The following ALKBH6 variants were observed in gnomAD, a reference collection of about 807,000 sequenced individuals.
ALKBH6 encodes the protein probable RNA/DNA demethylase ALKBH6.
ALKBH6 carries 20 observed loss-of-function variants against 25.1 expected under a neutral mutation model. The ratio of observed to expected loss-of-function variants is 0.80; its 90% confidence interval spans 0.56 to 1.16. The LOEUF is 1.16. ALKBH6 is among the 50% of genes most tolerant of loss of function. The pLI is 0.00. For synonymous variants in ALKBH6, 156 were observed against 147.5 expected (o/e 1.06, Z -0.42); for missense variants, 263 against 326.5 (o/e 0.81, Z 1.50).
chr19:36,013,948 C>T lies in ALKBH6; in HGVS notation c.-26+227G>A. ...CGGATCCCCCCATTTGGACGCCCCT[C>T]GGATTTCCCCTCCTGAGCGCCCCTT... is the stretch of plus-strand genomic sequence containing the variant. On this transcript the variant is annotated intron_variant, in intron 1 of 6. Coordinates refer to ENST00000378875, the MANE Select transcript of ALKBH6 (RefSeq NM_032878.5). This position sits in a 1 kb window ranked among gnomAD's most constrained non-coding sequence, Gnocchi z 4.6. 1 of 1,376,710 alleles carries T rather than the reference C, an allele frequency of 7.3e-7. No homozygotes were observed. The highest frequency in any genetic ancestry group is 1.7e-5 in the South Asian group (1 of 58,844). 85.3% of individuals were successfully genotyped at this position (1,376,710 alleles called of 1,614,324 possible).
chr19:36,011,742 C>T, intron 3 of ALKBH6: 2 of 363,206 alleles, frequency 5.5e-6, no homozygotes, highest in Non-Finnish European at 1.0e-5. Flanking sequence ...ACTCAGAGTT[C>T]TGGGGCTGGA....
rs970573818 is a variant in ALKBH6 at position 36,009,316 on chromosome 19, G to A, written c.691C>T (p.Arg231Cys). The change falls in exon 7 of 7, where the codon CGC (arginine) becomes TGC (cysteine). Residue 231 changes from arginine (R) to cysteine (C), a missense_variant. By Grantham distance (180) the Arg-to-Cys change is radical. Coordinates refer to ENST00000378875, the MANE Select transcript of ALKBH6 (RefSeq NM_032878.5). ...LTIRRVPRVL[R>C]AGLLLGK ...CACTTGCCCAGCAGGAGGCCGGCGC[G>A]CAGCACGCGGGGCACGCGGCGGATG... 7.4e-7 allele frequency: 1 copy of A among 1,359,958 alleles called. No individual in the cohort carries two copies. Among genetic ancestry groups the A allele is most frequent in the South Asian group, 1.7e-5 (1 of 58,412 alleles). The allele number at this position is 1,359,958 out of a possible 1,614,324, so 84.2% of individuals were successfully genotyped here. A position where few individuals can be genotyped will look rare whatever the true frequency, so the allele number is the denominator to read the frequency against.
In ALKBH6 at chr19:36,009,269, G is replaced by A. The variant is rs2145365028; in HGVS notation, c.*21C>T. On this transcript the variant is annotated 3_prime_UTR_variant, in exon 7 of 7. Coordinates refer to ENST00000378875, the MANE Select transcript of ALKBH6 (RefSeq NM_032878.5). ...CAAAGGGGCAGGAACCTGGGAATCC[G>A]AGGGGTCCCGGCCCTGGCGGTCACT... 2 of 1,313,132 alleles carry A rather than the reference G, an allele frequency of 1.5e-6. No individual in the cohort carries two copies. Among genetic ancestry groups the A allele is most frequent in the Non-Finnish European group, 1.9e-6 (2 of 1,032,146 alleles). The allele number at this position is 1,313,132 out of a possible 1,614,324, so 81.3% of individuals were successfully genotyped here. A position where few individuals can be genotyped will look rare whatever the true frequency, so the allele number is the denominator to read the frequency against.
In ALKBH6 at chr19:36,012,202, G is replaced by A. The variant is rs1405008551; in HGVS notation, c.124-738C>T. The A allele has an allele frequency of 2.0e-5, 3 of 152,380 alleles. No individual in the cohort carries two copies. In the East Asian group the frequency reaches 5.8e-4, roughly 29 times the overall value. The allele number at this position is 152,380 out of a possible 1,614,324, so 9.4% of individuals were successfully genotyped here. ...ATTCCTGATTCCTGGGCTCTCTGAG[G>A]ACAGTTTGAGTTCTGCAACCGACTT... On this transcript the variant is annotated intron_variant, in intron 3 of 6. Transcript: ENST00000378875.
In ALKBH6 at chr19:36,013,549, A is replaced by C; in HGVS notation, c.-25-127T>G. 6.8e-7 allele frequency: 1 copy of C among 1,475,506 alleles called. No individual in the cohort carries two copies. The highest frequency in any genetic ancestry group is 9.0e-7 in the Non-Finnish European group (1 of 1,116,156). The allele number at this position is 1,475,506 out of a possible 1,614,324, so 91.4% of individuals were successfully genotyped here. Reference sequence around the variant, plus strand: ...TTCTGAAACGCACTTGGTCTCTAAAATCTGAGTCTTCAGCATCTTACAAGC... The same window carrying C: ...TTCTGAAACGCACTTGGTCTCTAAACTCTGAGTCTTCAGCATCTTACAAGC... On this transcript the variant is annotated intron_variant, in intron 1 of 6. Coordinates refer to ENST00000378875, the MANE Select transcript of ALKBH6 (RefSeq NM_032878.5). This position sits in a 1 kb window ranked among gnomAD's most constrained non-coding sequence, Gnocchi z 4.6.
In ALKBH6 at chr19:36,011,036, G is replaced by A. The variant is rs1968595579; in HGVS notation, c.194C>T (p.Pro65Leu). The A allele has an allele frequency of 1.2e-6, 2 of 1,607,250 alleles. No homozygotes were observed. Among genetic ancestry groups the A allele is most frequent in the East Asian group, 2.2e-5 (1 of 44,552 alleles). The change falls in exon 5 of 7, where the codon CCT becomes CTT. Residue 65 changes from proline to leucine, a missense_variant. This residue lies in a region of ALKBH6 where 112 missense variants were observed against 153.0 expected (regional missense o/e 0.73). Coordinates refer to ENST00000378875, the MANE Select transcript of ALKBH6 (RefSeq NM_032878.5). ...GRKLQNWGGL[P>L]HPRGMVPERL... Reference sequence around the variant, plus strand: ...CTCAGGAACCATCCCTCGGGGATGAGGAAGCCCACCTGGGGAAGGCAATGG... The same window carrying A: ...CTCAGGAACCATCCCTCGGGGATGAAGAAGCCCACCTGGGGAAGGCAATGG...
intron 3 of ALKBH6, chr19:36,012,335 G>A (rs755699884): frequency 1.3e-5 from 2 of 152,308 alleles, no homozygotes; most frequent in Non-Finnish European, 2.9e-5. Context: ...TCTAGAATGG[G>A]CTATCTCAGT....
In ALKBH6 at chr19:36,013,385, C is replaced by T; in HGVS notation, c.13G>A (p.Asp5Asn). ...GGTTCCAGGGCTGGGACTCTGGCGT[C>T]CTGCTCCTCCATCAACACCAACTCC... is the stretch of plus-strand genomic sequence containing the variant. MEEQ[D>N]ARVPALEPFR... is the part of the protein sequence containing the mutation. The change falls in exon 2 of 7, where the codon GAC becomes AAC. Residue 5 changes from aspartate (D) to asparagine (N), a missense_variant. Physicochemically the swap from Asp to Asn is conservative, Grantham distance 23. This residue lies in a region of ALKBH6 where 112 missense variants were observed against 153.0 expected (regional missense o/e 0.73). Transcript: ENST00000378875. This position sits in a 1 kb window ranked among gnomAD's most constrained non-coding sequence, Gnocchi z 4.6. 1 of 1,613,992 alleles carries T rather than the reference C, an allele frequency of 6.2e-7. No individual in the cohort carries two copies. The highest frequency in any genetic ancestry group is 2.2e-5 in the East Asian group (1 of 44,880).
intron 4 of ALKBH6, 100 bp from the exon 5 acceptor site, chr19:36,011,145 C>G (rs1968600776): frequency 6.7e-7 from 1 of 1,482,378 alleles, no homozygotes; most frequent in Non-Finnish European, 9.1e-7. Flanking sequence ...CTCAGGGACC[C>G]CTGACCGTTT....
intron 3 of ALKBH6, chr19:36,011,814 G>T (rs780526206): frequency 1.1e-5 from 2 of 190,140 alleles, no homozygotes; most frequent in Admixed American, 1.1e-4. Flanking sequence ...TGCCAAACCT[G>T]GTTGCTCATG....
At position 36,013,210 on chromosome 19, in the gene ALKBH6, A is replaced by C; in HGVS notation, c.55-121T>G. The C allele has an allele frequency of 6.9e-7, 1 of 1,451,884 alleles. No homozygotes were observed. The highest frequency in any genetic ancestry group is 9.6e-7 in the Non-Finnish European group (1 of 1,039,444). The allele number at this position is 1,451,884 out of a possible 1,614,324, so 89.9% of individuals were successfully genotyped here. ...ATGTCCTCAGACAGGTCAGGGTCTAAAGTCAAGGGACCAGTGCCATTCCAG... is the reference window on the plus strand; with the variant it reads ...ATGTCCTCAGACAGGTCAGGGTCTACAGTCAAGGGACCAGTGCCATTCCAG... On this transcript the variant is annotated intron_variant, in intron 2 of 6. Coordinates refer to ENST00000378875, the MANE Select transcript of ALKBH6 (RefSeq NM_032878.5). The surrounding 1 kb of genome is among the most constrained non-coding windows in gnomAD (Gnocchi z 4.6).
At position 36,013,976 on chromosome 19, in the gene ALKBH6, C is replaced by G. The variant is rs890069430; in HGVS notation, c.-26+199G>C. 1.5e-5 allele frequency: 21 copies of G among 1,401,452 alleles called. No homozygotes were observed. Among genetic ancestry groups the G allele is most frequent in the African/African-American group, 4.5e-5 (3 of 66,654 alleles). The allele number at this position is 1,401,452 out of a possible 1,614,324, so 86.8% of individuals were successfully genotyped here. On this transcript the variant is annotated intron_variant, in intron 1 of 6. Transcript: ENST00000378875. The surrounding 1 kb of genome is among the most constrained non-coding windows in gnomAD (Gnocchi z 4.6). ...ATTTCCCCTCCTGAGCGCCCCTTCA[C>G]TCCAGCACCCTGAGATCTTTAGCTC... is the stretch of plus-strand genomic sequence containing the variant.
chr19:36,009,293 C>T lies in ALKBH6; in HGVS notation c.714G>A (p.Lys238=). ...RVLRAGLLLG[K] is the part of the protein sequence containing the mutation. The stretch of plus-strand genomic sequence containing the variant: ...CGAGGGGTCCCGGCCCTGGCGGTCA[C>T]TTGCCCAGCAGGAGGCCGGCGCGCA... Residue 238 remains lysine (K), a synonymous_variant, in exon 7 of 7, where the codon AAG becomes AAA. Coordinates refer to ENST00000378875, the MANE Select transcript of ALKBH6 (RefSeq NM_032878.5). The T allele has an allele frequency of 7.4e-7, 1 of 1,353,152 alleles. No homozygotes were observed. The highest frequency in any genetic ancestry group is 9.5e-7 in the Non-Finnish European group (1 of 1,051,508). 83.8% of individuals were successfully genotyped at this position (1,353,152 alleles called of 1,614,324 possible).
chr19:36,009,218 C>G lies in ALKBH6; in HGVS notation c.*72G>C. Reference sequence around the variant, plus strand: ...AGGGGAGCCCCCTTTGCCCACGGTTCCTAGGTCGCGGAGTCACAGCAGCCC... The same window carrying G: ...AGGGGAGCCCCCTTTGCCCACGGTTGCTAGGTCGCGGAGTCACAGCAGCCC... On this transcript the variant is annotated 3_prime_UTR_variant, in exon 7 of 7. Coordinates refer to ENST00000378875, the MANE Select transcript of ALKBH6 (RefSeq NM_032878.5). The G allele has an allele frequency of 8.0e-7, 1 of 1,250,032 alleles. No individual in the cohort carries two copies. Among genetic ancestry groups the G allele is most frequent in the South Asian group, 3.3e-5 (1 of 30,380 alleles). 77.4% of individuals were successfully genotyped at this position (1,250,032 alleles called of 1,614,324 possible). A position where few individuals can be genotyped will look rare whatever the true frequency, so the allele number is the denominator to read the frequency against.
rs767193436 is a variant in ALKBH6 at position 36,010,814 on chromosome 19, G to A, written c.336+80C>T. The A allele has an allele frequency of 6.3e-7, 1 of 1,586,070 alleles. No individual in the cohort carries two copies. Among genetic ancestry groups the A allele is most frequent in the South Asian group, 1.1e-5 (1 of 90,476 alleles). Reference sequence around the variant, plus strand: ...TGGGAGATGTGGCTGCCTAATGAGTGAGGGTGGGTACAGAGTCCCCTGCCC... The same window carrying A: ...TGGGAGATGTGGCTGCCTAATGAGTAAGGGTGGGTACAGAGTCCCCTGCCC... On this transcript the variant is annotated intron_variant, in intron 5 of 6. Coordinates refer to ENST00000378875, the MANE Select transcript of ALKBH6 (RefSeq NM_032878.5). This position sits in a 1 kb window ranked among gnomAD's most constrained non-coding sequence, Gnocchi z 5.5.
At position 36,013,950 on chromosome 19, in the gene ALKBH6, G is replaced by T; in HGVS notation, c.-26+225C>A. Reference sequence around the variant, plus strand: ...GATCCCCCCATTTGGACGCCCCTCGGATTTCCCCTCCTGAGCGCCCCTTCA... The same window carrying T: ...GATCCCCCCATTTGGACGCCCCTCGTATTTCCCCTCCTGAGCGCCCCTTCA... On this transcript the variant is annotated intron_variant, in intron 1 of 6. Coordinates refer to ENST00000378875, the MANE Select transcript of ALKBH6 (RefSeq NM_032878.5). The surrounding 1 kb of genome is among the most constrained non-coding windows in gnomAD (Gnocchi z 4.6). The T allele has an allele frequency of 7.3e-7, 1 of 1,375,554 alleles. No homozygotes were observed. Among genetic ancestry groups the T allele is most frequent in the Non-Finnish European group, 9.3e-7 (1 of 1,071,506 alleles). The allele number at this position is 1,375,554 out of a possible 1,614,324, so 85.2% of individuals were successfully genotyped here. A position where few individuals can be genotyped will look rare whatever the true frequency, so the allele number is the denominator to read the frequency against.
chr19:36,012,737 A>G (rs923561237), intron 3 of ALKBH6: 4 of 408,912 alleles, frequency 9.8e-6, no homozygotes, highest in African/African-American at 2.0e-5. Flanking sequence ...TTAGCACAGG[A>G]AAGAGTTTAC....
rs1439330408 is a variant in ALKBH6 at position 36,011,423 on chromosome 19, C to T, written c.165G>A (p.Gly55=). The T allele has an allele frequency of 3.1e-6, 5 of 1,613,420 alleles. No individual in the cohort carries two copies. Among genetic ancestry groups the T allele is most frequent in the Non-Finnish European group, 4.2e-6 (5 of 1,179,962 alleles). ...APKPKWTQLS[G]RKLQNWGGLP... ...ACTTACCCCAGTTCTGTAACTTTCT[C>T]CCAGAGAGCTGGGTCCACTTTGGCT... The change falls in exon 4 of 7, where the codon GGG becomes GGA. Residue 55 remains glycine, a synonymous_variant. Transcript: ENST00000378875.
In ALKBH6 at chr19:36,009,305, G is replaced by T. The variant is rs1198574530; in HGVS notation, c.702C>A (p.Leu234=). 2.2e-6 allele frequency: 3 copies of T among 1,360,902 alleles called. No homozygotes were observed. Among genetic ancestry groups the T allele is most frequent in the Non-Finnish European group, 2.8e-6 (3 of 1,054,354 alleles). 84.3% of individuals were successfully genotyped at this position (1,360,902 alleles called of 1,614,324 possible). ...RRVPRVLRAG[L]LLGK is the part of the protein sequence containing the mutation. ...GCCCTGGCGGTCACTTGCCCAGCAG[G>T]AGGCCGGCGCGCAGCACGCGGGGCA... The change falls in exon 7 of 7, where the codon CTC becomes CTA. Residue 234 remains leucine, a synonymous_variant. Transcript: ENST00000378875.
Sources: allele counts gnomAD v4.1 joint callset, GRCh38; gene constraint gnomAD v4.1.1; regional missense constraint gnomAD v4.1.1; non-coding constraint Gnocchi (gnomAD v3.1); transcripts MANE v1.5; gene names NCBI Gene and HGNC (gene_info 2026-07-23, HGNC 2026-07-21).